Variants in PDCD6IP observed in about 807,000 individuals in gnomAD.
PDCD6IP encodes the protein programmed cell death 6 interacting protein.
In PDCD6IP, 43 loss-of-function variants were observed where a neutral mutation model predicts 103.7. The ratio of observed to expected loss-of-function variants is 0.41; its 90% confidence interval spans 0.32 to 0.53. PDCD6IP has a LOEUF of 0.53. Ranked by LOEUF, PDCD6IP falls within the 20% of genes least tolerant of loss-of-function variation. The pLI, the probability that PDCD6IP is intolerant of heterozygous loss-of-function variation, is 0.16. For synonymous variants in PDCD6IP, 354 were observed against 378.7 expected, an observed-to-expected ratio of 0.93 and a Z score of 0.76; for missense variants, 871 against 1,036.7, an observed-to-expected ratio of 0.84 and a Z score of 2.20.
intron 9 of PDCD6IP, among the ~76,000 whole-genome samples, chr3:33,839,839 C>T (rs1218277642): frequency 6.6e-6 from 1 of 152,174 alleles, no homozygotes; most frequent in African/African-American, 2.4e-5. Context: ...AGTTTGCATT[C>T]TCCTAATTGC....
chr3:33,808,274 C>CT (rs1437067600), intron 1 of PDCD6IP, among the ~76,000 whole-genome samples: 4 of 152,146 alleles, frequency 2.6e-5, no homozygotes, highest in African/African-American at 9.7e-5. Flanking sequence ...AAAGGGGTTA[C>CT]ATTGACTGTA....
intron 3 of PDCD6IP, among the ~76,000 whole-genome samples, chr3:33,817,011 T>A (rs956777559): frequency 1.3e-5 from 2 of 152,194 alleles, no homozygotes; most frequent in African/African-American, 4.8e-5. Flanking sequence ...CCTTCAGTAA[T>A]GTCTTGGTTA....
intron 15 of PDCD6IP, among the ~76,000 whole-genome samples, chr3:33,861,947 A>C (rs1407862674): frequency 6.6e-6 from 1 of 152,166 alleles, no homozygotes; most frequent in Non-Finnish European, 1.5e-5. Context: ...GTTGTTGGGC[A>C]TAGTACTAGT....
At chr3:33,861,534 G>C (rs1430694881) in intron 15 of PDCD6IP, among the ~76,000 whole-genome samples, 2 of 152,208 alleles carry the variant, frequency 1.3e-5, no homozygotes. Context: ...TACTGTATTA[G>C]ACAGTACATG....
chr3:33,838,477 CTG>C (rs1218638049), intron 9 of PDCD6IP, 150 bp downstream of exon 9: 8 of 696,970 alleles, frequency 1.1e-5, no homozygotes, highest in Non-Finnish European at 1.7e-5. Context: ...TTGTTGGACA[CTG>C]TATTTATGAA....
At chr3:33,815,113 C>G (rs936731984) in intron 3 of PDCD6IP, among the ~76,000 whole-genome samples, 3 of 148,078 alleles carry the variant, frequency 2.0e-5, no homozygotes, top group Non-Finnish European at 4.5e-5. Flanking sequence ...ATCTATATAT[C>G]TTATATAAGG....
At chr3:33,827,611 T>G (rs1170589199) in intron 6 of PDCD6IP, 1 of 152,174 alleles carries the variant, frequency 6.6e-6, no homozygotes, top group Non-Finnish European at 1.5e-5. Flanking sequence ...CATGTTTTTT[T>G]CATCTGAAAG....
intron 1 of PDCD6IP, among the ~76,000 whole-genome samples, chr3:33,803,684 C>G (rs947421007): frequency 6.6e-5 from 10 of 152,124 alleles, no homozygotes; most frequent in Admixed American, 2.6e-4. Flanking sequence ...TAATGTTGTG[C>G]ATGTGTTATG....
chr3:33,845,331 T>G, intron 11 of PDCD6IP, 88 bp from the exon 12 acceptor site: 2 of 911,068 alleles, frequency 2.2e-6, no homozygotes, highest in Non-Finnish European at 3.3e-6. Context: ...ATAAGTAAAG[T>G]TGGAGACTAG....
chr3:33,858,264 C>T (rs910475614), intron 15 of PDCD6IP, among the ~76,000 whole-genome samples: 2 of 152,094 alleles, frequency 1.3e-5, no homozygotes, highest in African/African-American at 4.8e-5. Flanking sequence ...AAGGCTTGAG[C>T]AAGTTAAAAA....
chr3:33,825,436 T>A lies in PDCD6IP; in HGVS notation c.616+96T>A, dbSNP rs1697098841. 3 of 1,108,544 alleles carry A rather than the reference T, an allele frequency of 2.7e-6. No individual in the cohort carries two copies. The African/African-American group carries it at 4.8e-5, about 18-fold the overall frequency. 68.7% of individuals were successfully genotyped at this position (1,108,544 alleles called of 1,614,324 possible). On this transcript the variant is annotated intron_variant, in intron 5 of 17. Transcript: ENST00000307296. ...GAATATAATATGTTCAATGTCGAGC[T>A]GTCCTTCTTGAACTTGATACATGAA...
chr3:33,834,874 A>G (rs1177810085), intron 7 of PDCD6IP, among the ~76,000 whole-genome samples: 1 of 152,116 alleles, frequency 6.6e-6, no homozygotes, highest in Non-Finnish European at 1.5e-5. Flanking sequence ...AAACTCGTTA[A>G]TTGTGTTGCT....
At chr3:33,860,122 A>G (rs1697920067) in intron 15 of PDCD6IP, among the ~76,000 whole-genome samples, 1 of 152,238 alleles carries the variant, frequency 6.6e-6, no homozygotes, top group Non-Finnish European at 1.5e-5. Flanking sequence ...TTGTTTACGC[A>G]CAAGGAAGCT....
chr3:33,817,539 A>G (rs1480234966), intron 3 of PDCD6IP, among the ~76,000 whole-genome samples: 1 of 152,136 alleles, frequency 6.6e-6, no homozygotes, highest in African/African-American at 2.4e-5. Flanking sequence ...GGATCACTTG[A>G]GCCCAGGAGT....
At chr3:33,801,056 C>T (rs1696466082) in intron 1 of PDCD6IP, among the ~76,000 whole-genome samples, 1 of 152,174 alleles carries the variant, frequency 6.6e-6, no homozygotes, top group Non-Finnish European at 1.5e-5. Context: ...ATAATCCCCT[C>T]CTGCCACATT....
In PDCD6IP at chr3:33,813,631, A is replaced by G. The variant is rs1696765956; in HGVS notation, c.334+3A>G. On this transcript the variant is annotated splice_donor_region_variant and intron_variant, in intron 3 of 17. Coordinates refer to ENST00000307296, the MANE Select transcript of PDCD6IP (RefSeq NM_013374.6). Reference sequence around the variant, plus strand: ...TTTTGGAGGCTCTGTAAAACTGGGTATGTAATTTTTAATAAAAGTGATAGG... The same window carrying G: ...TTTTGGAGGCTCTGTAAAACTGGGTGTGTAATTTTTAATAAAAGTGATAGG... 2 of 1,556,572 alleles carry G rather than the reference A, an allele frequency of 1.3e-6. No homozygotes were observed. The highest frequency in any genetic ancestry group is 1.8e-6 in the Non-Finnish European group (2 of 1,130,144).
intron 7 of PDCD6IP, among the ~76,000 whole-genome samples, chr3:33,834,513 T>C (rs1474131309): frequency 1.3e-5 from 2 of 152,232 alleles, no homozygotes; most frequent in Non-Finnish European, 1.5e-5. Flanking sequence ...TGTTTTGTTT[T>C]GGTTATCTTT....
Position 33,845,439 on chromosome 3 carries a change from G to C in PDCD6IP, c.1492G>C (p.Val498Leu). The change falls in exon 12 of 18, where the codon GTT (valine) becomes CTT (leucine). Residue 498 changes from valine (V) to leucine (L), a missense_variant. Val to Leu is a conservative substitution (Grantham distance 32). This residue lies in a region of PDCD6IP where 266 missense variants were observed against 390.5 expected (regional missense o/e 0.68). Coordinates refer to ENST00000307296, the MANE Select transcript of PDCD6IP (RefSeq NM_013374.6). The part of the protein sequence containing the change: ...LRAEGTNFRT[V>L]LDKAVQADGQ... ...CCCAGAGGGAACCAACTTCAGAACA[G>C]TTTTAGATAAAGCTGTGCAGGCAGA... The C allele has an allele frequency of 1.2e-6, 2 of 1,613,868 alleles. No homozygotes were observed. Among genetic ancestry groups the C allele is most frequent in the Non-Finnish European group, 1.7e-6 (2 of 1,179,868 alleles).
rs1415136451 is a variant in PDCD6IP, at chr3:33,864,259, G to A, written c.2244+130G>A. The A allele has an allele frequency of 2.7e-5, 17 of 621,996 alleles. No homozygotes were observed. In the Admixed American group the frequency reaches 3.4e-4, roughly 12 times the overall value. 38.5% of individuals were successfully genotyped at this position (621,996 alleles called of 1,614,324 possible). A position where few individuals can be genotyped will look rare whatever the true frequency, so the allele number is the denominator to read the frequency against. On this transcript the variant is annotated intron_variant, in intron 16 of 17. Coordinates refer to ENST00000307296, the MANE Select transcript of PDCD6IP (RefSeq NM_013374.6). ...ACCTGCATCAGGTAACCAACCTTCT[G>A]ATATTTTGCAATATGTAGAACACAG...
Sources: allele counts gnomAD v4.1 joint callset (sites outside exome capture counted in the v4.1 genomes callset), GRCh38; gene constraint gnomAD v4.1.1; regional missense constraint gnomAD v4.1.1; transcripts MANE v1.5; gene names NCBI Gene and HGNC (gene_info 2026-07-23, HGNC 2026-07-21).